ARHGAP44: variants seen among roughly 807,000 people sequenced by gnomAD.
The protein encoded by ARHGAP44 is rho GTPase-activating protein 44.
In ARHGAP44, 43 loss-of-function variants were observed where a neutral mutation model predicts 106.8. The observed-to-expected ratio is 0.40, with a 90% CI of 0.32 to 0.52. The LOEUF (loss-of-function observed/expected upper bound fraction) is 0.52. Ranked by LOEUF, ARHGAP44 falls within the 20% of genes least tolerant of loss-of-function variation. The pLI is 0.48. For synonymous variants in ARHGAP44, 439 were observed against 410.3 expected (o/e 1.07, Z -0.85); for missense variants, 866 against 1,050.5 (o/e 0.82, Z 2.43).
intron 7 of ARHGAP44, among the ~76,000 whole-genome samples, chr17:12,936,101 C>A (rs141149878): frequency 1.3e-5 from 2 of 152,300 alleles, no homozygotes; most frequent in African/African-American, 4.8e-5. Context: ...AGAGGCCTCC[C>A]ATATATGTCA....
chr17:12,936,833 C>T (rs1432569383), intron 7 of ARHGAP44, among the ~76,000 whole-genome samples: 4 of 152,214 alleles, frequency 2.6e-5, no homozygotes, highest in Admixed American at 2.6e-4. Flanking sequence ...CCTGTTGCTC[C>T]ACATCTGTGC....
intron 1 of ARHGAP44, among the ~76,000 whole-genome samples, chr17:12,828,122 C>T (rs890072062): frequency 5.3e-5 from 8 of 151,334 alleles, no homozygotes; most frequent in Non-Finnish European, 1.2e-4. Context: ...GATATTTGAC[C>T]GTATTTTTGC....
chr17:12,808,508 T>C (rs1218829572), intron 1 of ARHGAP44, among the ~76,000 whole-genome samples: 1 of 152,224 alleles, frequency 6.6e-6, no homozygotes, highest in Non-Finnish European at 1.5e-5. Context: ...CTCAATACCA[T>C]GTGGAGGCTG....
At chr17:12,850,812 A>G (rs1026823449) in intron 1 of ARHGAP44, among the ~76,000 whole-genome samples, 1 of 152,190 alleles carries the variant, frequency 6.6e-6, no homozygotes, top group Non-Finnish European at 1.5e-5. Flanking sequence ...AGTTCCTGGT[A>G]CGTAGCAGGT....
chr17:12,812,511 A>G (rs995226545), intron 1 of ARHGAP44, among the ~76,000 whole-genome samples: 1 of 152,238 alleles, frequency 6.6e-6, no homozygotes, highest in Non-Finnish European at 1.5e-5. Flanking sequence ...AGATTGTGAG[A>G]CATCTATAGA....
chr17:12,837,020 A>G (rs1308228096), intron 1 of ARHGAP44, among the ~76,000 whole-genome samples: 17 of 152,238 alleles, frequency 1.1e-4, no homozygotes, highest in African/African-American at 4.1e-4. Flanking sequence ...ACCAAGGTTG[A>G]CCATATTCTC....
chr17:12,961,188 G>A (rs1358969634), intron 16 of ARHGAP44, among the ~76,000 whole-genome samples: 2 of 152,164 alleles, frequency 1.3e-5, no homozygotes, highest in Admixed American at 1.3e-4. Context: ...AGTTACCACT[G>A]CAGATGCATT....
chr17:12,842,902 C>T (rs2035457368), intron 1 of ARHGAP44, among the ~76,000 whole-genome samples: 3 of 152,280 alleles, frequency 2.0e-5, no homozygotes, highest in Admixed American at 2.0e-4. Flanking sequence ...TCCCTCAAGC[C>T]ACGCAGGCTC....
chr17:12,960,665 A>G (rs1208796493), intron 16 of ARHGAP44, among the ~76,000 whole-genome samples: 1 of 152,028 alleles, frequency 6.6e-6, no homozygotes, highest in Non-Finnish European at 1.5e-5. Flanking sequence ...GTTTCAAGTA[A>G]TAATTCTCAG....
At chr17:12,966,650 G>A (rs571236113) in intron 16 of ARHGAP44, among the ~76,000 whole-genome samples, 1 of 152,314 alleles carries the variant, frequency 6.6e-6, no homozygotes, top group Admixed American at 6.5e-5. Flanking sequence ...GAATGTGCAC[G>A]CCTACAGTGG....
At chr17:12,899,976 G>A (rs551044848) in intron 3 of ARHGAP44, among the ~76,000 whole-genome samples, 1 of 152,246 alleles carries the variant, frequency 6.6e-6, no homozygotes, top group South Asian at 2.1e-4. Context: ...GCCAGATGTG[G>A]GTAGGCATAA....
At chr17:12,841,008 C>T (rs566252049) in intron 1 of ARHGAP44, among the ~76,000 whole-genome samples, 1 of 152,236 alleles carries the variant, frequency 6.6e-6, no homozygotes, top group African/African-American at 2.4e-5. Flanking sequence ...GGGTGATTAA[C>T]GTGCACCGTC....
At chr17:12,971,153 A>G (rs1213880292) in intron 16 of ARHGAP44, among the ~76,000 whole-genome samples, 1 of 152,122 alleles carries the variant, frequency 6.6e-6, no homozygotes, top group African/African-American at 2.4e-5. Flanking sequence ...CGTTGAACCC[A>G]TATTTCTCAG....
At chr17:12,851,356 G>GAGAAGT (rs1221443281) in intron 1 of ARHGAP44, among the ~76,000 whole-genome samples, 1 of 152,182 alleles carries the variant, frequency 6.6e-6, no homozygotes, top group African/African-American at 2.4e-5. Context: ...TTCATTTACA[G>GAGAAGT]AGAAGTCTAA....
rs57364760 is a variant in ARHGAP44, at chr17:12,975,795, CAA to C, written c.1763+1506_1763+1507del. Among the ~76,000 whole-genome samples, 129 of 69,394 alleles carry C rather than the reference CAA, an allele frequency of 1.9e-3. 4 individuals are homozygous for C. The South Asian group carries it at 0.075, about 40-fold the overall frequency. 45.5% of individuals were successfully genotyped at this position (69,394 alleles called of 152,430 possible). A position where few individuals can be genotyped will look rare whatever the true frequency, so the allele number is the denominator to read the frequency against. On this transcript the variant is annotated intron_variant, in intron 18 of 20. Coordinates refer to ENST00000379672, the MANE Select transcript of ARHGAP44 (RefSeq NM_014859.6). Reference sequence around the variant, plus strand: ...CCTGGGTGACAGCGTGACTCCGTCTCAAAAAAAAAAAAAAAAAAAAAAGAAAA... The same window carrying C: ...CCTGGGTGACAGCGTGACTCCGTCTCAAAAAAAAAAAAAAAAAAAAGAAAA...
At chr17:12,982,191 C>T (rs1362390436) in intron 19 of ARHGAP44, among the ~76,000 whole-genome samples, 1 of 152,174 alleles carries the variant, frequency 6.6e-6, no homozygotes, top group East Asian at 1.9e-4. Flanking sequence ...GCCAGTGTAG[C>T]CTAGAGTGAC....
At chr17:12,801,895 GA>G (rs149897604) in intron 1 of ARHGAP44, among the ~76,000 whole-genome samples, 2 of 149,046 alleles carry the variant, frequency 1.3e-5, no homozygotes, top group Admixed American at 1.3e-4. Flanking sequence ...AAGAGAGAGA[GA>G]AAAAAAAAGC....
chr17:12,928,204 C>T (rs945111472), intron 6 of ARHGAP44, among the ~76,000 whole-genome samples: 1 of 152,160 alleles, frequency 6.6e-6, no homozygotes, highest in African/African-American at 2.4e-5. Context: ...TTGTTTTGGG[C>T]TTACCAGTGG....
intron 1 of ARHGAP44, among the ~76,000 whole-genome samples, chr17:12,843,081 G>A (rs1428336366): frequency 5.9e-5 from 9 of 152,106 alleles, no homozygotes; most frequent in East Asian, 3.9e-4. Flanking sequence ...TGTCAGCAAC[G>A]GCCTATGGTG....
Sources: allele counts gnomAD v4.1 joint callset (sites outside exome capture counted in the v4.1 genomes callset), GRCh38; gene constraint gnomAD v4.1.1; transcripts MANE v1.5; gene names NCBI Gene and HGNC (gene_info 2026-07-23, HGNC 2026-07-21).